AKR1D1: variants seen among roughly 807,000 people sequenced by gnomAD.
AKR1D1 encodes delta(4)-3-ketosteroid 5-beta-reductase.
In AKR1D1, 32 loss-of-function variants were observed where a neutral mutation model predicts 42.6. That is an observed-to-expected ratio of 0.75 (90% CI 0.57 to 1.01). The LOEUF is 1.01. Among genes scored for constraint, AKR1D1 ranks in the 50% least tolerant of loss-of-function variants. AKR1D1 has a pLI of 0.00. For synonymous variants in AKR1D1, 123 were observed against 135.5 expected (o/e 0.91, Z 0.64); for missense variants, 364 against 402.2 (o/e 0.91, Z 0.81).
chr7:138,086,915 A>C lies in AKR1D1; in HGVS notation c.94-1686A>C, dbSNP rs141885564. Among the ~76,000 whole-genome samples the C allele has an allele frequency of 6.1e-3, 922 of 152,340 alleles. 4 individuals carry two copies. The highest frequency in any genetic ancestry group is 9.4e-3 in the Non-Finnish European group (641 of 68,028). ...GAGACTAGATGTTTGTCTTCAGAGA[A>C]ATCTCATTGCTGTTTCTCATTAAGA... On this transcript the variant is annotated intron_variant, in intron 1 of 8. Coordinates refer to ENST00000242375, the MANE Select transcript of AKR1D1 (RefSeq NM_005989.4).
intron 2 of AKR1D1, 60 bp from the exon 3 acceptor site, chr7:138,091,708 G>T: frequency 7.7e-7 from 1 of 1,305,412 alleles, no homozygotes; most frequent in Non-Finnish European, 1.1e-6. Flanking sequence ...AGAAAAAGGG[G>T]CTGCCTTATC....
At chr7:138,078,760 G>T (rs1802992394) in intron 1 of AKR1D1, among the ~76,000 whole-genome samples, 1 of 152,210 alleles carries the variant, frequency 6.6e-6, no homozygotes, top group African/African-American at 2.4e-5. Flanking sequence ...AGAAAGTTAG[G>T]TGGGGGAATA....
rs550170590 is a variant in AKR1D1 at position 138,111,909 on chromosome 7, G to C, written c.856-1781G>C. 7.9e-5 allele frequency among the ~76,000 whole-genome samples: 12 copies of C among 152,092 alleles called. 1 individual carries two copies. In the South Asian group the frequency reaches 2.5e-3, roughly 32 times the overall value. On this transcript the variant is annotated intron_variant, in intron 7 of 8. Transcript: ENST00000242375. ...TCCTCTATTTCACAAAAGTTTTGCA[G>C]AATGTTCATAAAGAGAATAATTATC...
chr7:138,093,655 T>G (rs73155740), intron 3 of AKR1D1, among the ~76,000 whole-genome samples: 1 of 151,924 alleles, frequency 6.6e-6, no homozygotes, highest in Non-Finnish European at 1.5e-5. Context: ...TGCCTGGCGT[T>G]TTTTTACACT....
intron 4 of AKR1D1, among the ~76,000 whole-genome samples, chr7:138,100,645 A>G (rs1415201482): frequency 6.6e-6 from 1 of 151,590 alleles, no homozygotes; most frequent in African/African-American, 2.4e-5. Flanking sequence ...ATGAAGCATC[A>G]TCTAAGAGAA....
intron 1 of AKR1D1, among the ~76,000 whole-genome samples, chr7:138,084,587 T>C (rs1343318574): frequency 1.3e-5 from 2 of 152,172 alleles, no homozygotes; most frequent in African/African-American, 2.4e-5. Context: ...CCAGATTTTT[T>C]GTTTTACTGT....
chr7:138,076,627 C>T lies in AKR1D1; in HGVS notation c.93+16C>T. 1 of 1,585,558 alleles carries T rather than the reference C, an allele frequency of 6.3e-7. No homozygotes were observed. The highest frequency in any genetic ancestry group is 8.7e-7 in the Non-Finnish European group (1 of 1,155,072). On this transcript the variant is annotated intron_variant, in intron 1 of 8. Coordinates refer to ENST00000242375, the MANE Select transcript of AKR1D1 (RefSeq NM_005989.4). ...ACCTAAATCGGTAAGCTTATTTTTTCTCTCTTTGCTTGCTTGTTTGTTTCT... is the reference window on the plus strand; with the variant it reads ...ACCTAAATCGGTAAGCTTATTTTTTTTCTCTTTGCTTGCTTGTTTGTTTCT...
chr7:138,095,126 C>G (rs1233622542), intron 3 of AKR1D1, among the ~76,000 whole-genome samples: 3 of 152,104 alleles, frequency 2.0e-5, no homozygotes, highest in Non-Finnish European at 4.4e-5. Context: ...AGGGAAACAC[C>G]TAGAGGTATC....
chr7:138,097,382 G>A (rs2117444487), intron 3 of AKR1D1, among the ~76,000 whole-genome samples: 1 of 152,368 alleles, frequency 6.6e-6, no homozygotes. Flanking sequence ...TTAAGCAGAT[G>A]TGAGGTAGAA....
intron 7 of AKR1D1, 144 bp downstream of exon 7, chr7:138,107,724 T>G: frequency 1.2e-6 from 1 of 835,266 alleles, no homozygotes; most frequent in Non-Finnish European, 1.9e-6. Context: ...AGCCCATATC[T>G]AGGTTTAATT....
At chr7:138,110,307 A>G (rs1794513730) in intron 7 of AKR1D1, among the ~76,000 whole-genome samples, 1 of 152,344 alleles carries the variant, frequency 6.6e-6, no homozygotes, top group East Asian at 1.9e-4. Context: ...ACTATGTAGT[A>G]AAAAGTTAAG....
chr7:138,109,036 GT>G (rs1167603444), intron 7 of AKR1D1, among the ~76,000 whole-genome samples: 1 of 152,170 alleles, frequency 6.6e-6, no homozygotes, highest in East Asian at 1.9e-4. Flanking sequence ...ACAGACAGAT[GT>G]TTATTATAGA....
rs1048632390 is a variant in AKR1D1, at chr7:138,116,901, G to A, written c.*239G>A. 9 of 499,504 alleles carry A rather than the reference G, an allele frequency of 1.8e-5. No homozygotes were observed. The Middle Eastern group carries it at 1.6e-3, about 88-fold the overall frequency. 30.9% of individuals were successfully genotyped at this position (499,504 alleles called of 1,614,324 possible). On this transcript the variant is annotated 3_prime_UTR_variant, in exon 9 of 9. Coordinates refer to ENST00000242375, the MANE Select transcript of AKR1D1 (RefSeq NM_005989.4). ...ATTATCAACTAATTTTTTCAGATCAGTATCTTCTAGATTCCAGACAGAAAA... is the reference window on the plus strand; with the variant it reads ...ATTATCAACTAATTTTTTCAGATCAATATCTTCTAGATTCCAGACAGAAAA...
At chr7:138,095,629 G>A (rs142837304) in intron 3 of AKR1D1, among the ~76,000 whole-genome samples, 2,580 of 152,176 alleles carry the variant, frequency 0.017, 75 homozygotes, top group African/African-American at 0.058. Context: ...GGGTTCAAGC[G>A]ATTCTCTTGC....
chr7:138,090,521 C>A (rs1794045767), intron 2 of AKR1D1, among the ~76,000 whole-genome samples: 1 of 151,622 alleles, frequency 6.6e-6, no homozygotes, highest in African/African-American at 2.4e-5. Context: ...CCTGTAATCC[C>A]AGCTACTTGG....
intron 1 of AKR1D1, among the ~76,000 whole-genome samples, chr7:138,086,209 AATG>A (rs1334296244): frequency 6.6e-6 from 1 of 152,088 alleles, no homozygotes; most frequent in Non-Finnish European, 1.5e-5. Context: ...TAATAATAAT[AATG>A]ATAATAATGT....
chr7:138,076,517 C>A lies in AKR1D1; in HGVS notation c.-2C>A. 1 of 1,612,978 alleles carries A rather than the reference C, an allele frequency of 6.2e-7. No individual in the cohort carries two copies. The highest frequency in any genetic ancestry group is 1.7e-4 in the Middle Eastern group (1 of 6,046). On this transcript the variant is annotated 5_prime_UTR_variant, in exon 1 of 9. Coordinates refer to ENST00000242375, the MANE Select transcript of AKR1D1 (RefSeq NM_005989.4). ...ATCACTCCTACAGTCAGGTTCTCCA[C>A]AATGGATCTCAGTGCTGCAAGTCAC...
At chr7:138,109,786 A>C (rs1267809688) in intron 7 of AKR1D1, among the ~76,000 whole-genome samples, 2 of 152,236 alleles carry the variant, frequency 1.3e-5, no homozygotes, top group East Asian at 3.8e-4. Flanking sequence ...ATTGAAGATT[A>C]AAACACATTT....
At chr7:138,097,002 T>G (rs1278042479) in intron 3 of AKR1D1, among the ~76,000 whole-genome samples, 1 of 152,192 alleles carries the variant, frequency 6.6e-6, no homozygotes, top group Non-Finnish European at 1.5e-5. Context: ...CATTTCAAAG[T>G]CAAAATATCC....
Sources: gnomAD v4.1 joint callset for allele counts (sites outside exome capture counted in the v4.1 genomes callset) on GRCh38, gnomAD v4.1.1 for gene constraint, MANE v1.5 for transcripts, NCBI Gene and HGNC (gene_info 2026-07-23, HGNC 2026-07-21) for gene names.